Variants in PREX2 observed in about 807,000 individuals in gnomAD.
PREX2 encodes the protein phosphatidylinositol 3,4,5-trisphosphate-dependent Rac exchanger 2 protein.
In PREX2, 107 loss-of-function variants were observed where a neutral mutation model predicts 203.2. The observed-to-expected ratio is 0.53, with a 90% CI of 0.45 to 0.62. The LOEUF (loss-of-function observed/expected upper bound fraction) is 0.62. Ranked by LOEUF, PREX2 falls within the 20% of genes least tolerant of loss-of-function variation. PREX2 has a pLI of 0.00. For synonymous variants in PREX2, 672 were observed against 663.6 expected (o/e 1.01, Z -0.19); for missense variants, 1,777 against 1,955.9 (o/e 0.91, Z 1.72).
chr8:68,099,807 T>C lies in PREX2; in HGVS notation c.2679T>C (p.Ile893=), dbSNP rs1810206443. 1 of 1,612,432 alleles carries C rather than the reference T, an allele frequency of 6.2e-7. No individual in the cohort carries two copies. Among genetic ancestry groups the C allele is most frequent in the Non-Finnish European group, 8.5e-7 (1 of 1,178,636 alleles). The stretch of plus-strand genomic sequence containing the variant: ...TCAGTGCCCTTTGCAGTGAAAGAAT[T>C]GAACACCTATGTCAGAGAATATCCA... ...SKFSALCSER[I]EHLCQRISSY... is the part of the protein sequence containing the mutation. The change falls in exon 23 of 40, where the codon ATT becomes ATC. Residue 893 remains isoleucine (I), a synonymous_variant. Coordinates refer to ENST00000288368, the MANE Select transcript of PREX2 (RefSeq NM_024870.4).
rs1304074132 is a variant in PREX2 at position 67,975,985 on chromosome 8, G to A, written c.141+23450G>A. ...CCTACCTTGGCCTCCCAAAGTGCTG[G>A]GATTACAGGCGTGAGTCACTATGCC... On this transcript the variant is annotated intron_variant, in intron 1 of 39. Coordinates refer to ENST00000288368, the MANE Select transcript of PREX2 (RefSeq NM_024870.4). Among the ~76,000 whole-genome samples the A allele has an allele frequency of 2.6e-5, 4 of 151,486 alleles. No homozygotes were observed. In the East Asian group the frequency reaches 7.8e-4, roughly 30 times the overall value.
At chr8:68,015,783 A>G (rs1455108735) in intron 1 of PREX2, among the ~76,000 whole-genome samples, 1 of 152,220 alleles carries the variant, frequency 6.6e-6, no homozygotes, top group Non-Finnish European at 1.5e-5. Context: ...TAAAGCAAAA[A>G]ATTAAACAGA....
chr8:68,080,536 T>C lies in PREX2; in HGVS notation c.1736T>C (p.Met579Thr), dbSNP rs764881119. 10 of 1,611,184 alleles carry C rather than the reference T, an allele frequency of 6.2e-6. No individual in the cohort carries two copies. The highest frequency in any genetic ancestry group is 3.3e-5 in the South Asian group (3 of 90,834). Residue 579 changes from methionine to threonine, a missense_variant, in exon 16 of 40, where the codon ATG becomes ACG. Transcript: ENST00000288368. ...GGATCAAATATGAAACATCGACTTA[T>C]GAAACATGACTTAAAAGTTGTGGAA... is the stretch of plus-strand genomic sequence containing the variant. ...MEGSNMKHRLMKHDLKVVENV... is the reference protein window; with the variant it reads ...MEGSNMKHRLTKHDLKVVENV...
chr8:67,989,318 A>C (rs1420080582), intron 1 of PREX2, among the ~76,000 whole-genome samples: 1 of 152,104 alleles, frequency 6.6e-6, no homozygotes, highest in African/African-American at 2.4e-5. Context: ...TTTCTACCTA[A>C]ATTTTGCTTA....
intron 37 of PREX2, among the ~76,000 whole-genome samples, chr8:68,207,210 G>A (rs998934764): frequency 6.6e-6 from 1 of 152,152 alleles, no homozygotes; most frequent in African/African-American, 2.4e-5. Flanking sequence ...AGGAGCAATT[G>A]TTAAAATCCA....
chr8:67,986,405 C>T (rs769929427), intron 1 of PREX2, among the ~76,000 whole-genome samples: 2 of 151,962 alleles, frequency 1.3e-5, no homozygotes, highest in African/African-American at 4.8e-5. Context: ...CTGGGCATGC[C>T]GGGAGCGTAG....
intron 11 of PREX2, among the ~76,000 whole-genome samples, chr8:68,061,094 G>A (rs1808836379): frequency 6.6e-6 from 1 of 152,204 alleles, no homozygotes; most frequent in Admixed American, 6.5e-5. Context: ...GACGGGACAT[G>A]ACAAGTGATG....
intron 4 of PREX2, among the ~76,000 whole-genome samples, chr8:68,022,532 T>G (rs1469513968): frequency 6.6e-6 from 1 of 152,148 alleles, no homozygotes; most frequent in East Asian, 1.9e-4. Context: ...AGTGTAAAAT[T>G]TAACATTTCT....
At chr8:68,042,545 AATT>A (rs772838824) in intron 7 of PREX2, among the ~76,000 whole-genome samples, 1 of 152,068 alleles carries the variant, frequency 6.6e-6, no homozygotes, top group Non-Finnish European at 1.5e-5. Flanking sequence ...ATCACAATTT[AATT>A]ATTCATCCTC....
chr8:68,073,679 G>C (rs1040276507), intron 14 of PREX2, among the ~76,000 whole-genome samples: 1 of 152,118 alleles, frequency 6.6e-6, no homozygotes, highest in African/African-American at 2.4e-5. Context: ...TCTAGCATCA[G>C]AGCCTTTCAT....
chr8:68,053,343 G>C, intron 9 of PREX2, 97 bp downstream of exon 9: 1 of 1,273,912 alleles, frequency 7.8e-7, no homozygotes, highest in Middle Eastern at 2.0e-4. Flanking sequence ...AAAGGTATAT[G>C]ATGGTCACTT....
At chr8:68,103,611 C>T (rs765733064) in intron 23 of PREX2, 1 of 519,008 alleles carries the variant, frequency 1.9e-6, no homozygotes, top group Non-Finnish European at 3.8e-6. Flanking sequence ...TCATTACCCT[C>T]AACACACTCC....
intron 23 of PREX2, among the ~76,000 whole-genome samples, chr8:68,103,840 C>G (rs1168372479): frequency 6.6e-6 from 1 of 152,148 alleles, no homozygotes; most frequent in Non-Finnish European, 1.5e-5. Flanking sequence ...TTCTCCCCTT[C>G]CCTTTCCTTG....
At chr8:68,013,766 A>G (rs900700725) in intron 1 of PREX2, among the ~76,000 whole-genome samples, 3 of 152,122 alleles carry the variant, frequency 2.0e-5, no homozygotes, top group African/African-American at 7.2e-5. Flanking sequence ...GCCTTTATAT[A>G]TACAATTTAC....
rs753919180 is a variant in PREX2, at chr8:68,038,165, A to G, written c.712A>G (p.Asn238Asp). Residue 238 changes from asparagine to aspartate, a missense_variant, in exon 7 of 40, where the codon AAC becomes GAC. Asn to Asp is a conservative substitution (Grantham distance 23). Coordinates refer to ENST00000288368, the MANE Select transcript of PREX2 (RefSeq NM_024870.4). ...QSHIEGWEGS[N>D]ITDTCTEMLM... ...TGCATTTCTCCTGACTTAGGGGTCC[A>G]ACATCACTGACACCTGCACTGAAAT... The G allele has an allele frequency of 6.2e-7, 1 of 1,613,592 alleles. No homozygotes were observed. The highest frequency in any genetic ancestry group is 1.1e-5 in the South Asian group (1 of 91,008).
At position 68,102,893 on chromosome 8, in the gene PREX2, G is replaced by C. The variant is rs182789420; in HGVS notation, c.2715+3050G>C. 1,399 of 518,222 alleles carry C rather than the reference G, an allele frequency of 2.7e-3. 13 individuals are homozygous for C. Among genetic ancestry groups the C allele is most frequent in the Middle Eastern group, 0.02 (62 of 3,140 alleles). The allele number at this position is 518,222 out of a possible 1,614,324, so 32.1% of individuals were successfully genotyped here. A position where few individuals can be genotyped will look rare whatever the true frequency, so the allele number is the denominator to read the frequency against. The stretch of plus-strand genomic sequence containing the variant: ...GATGACCTGGATGAATCTTAAGCGA[G>C]ATGTTTTTCTCTGTGGAGCAGGATT... On this transcript the variant is annotated intron_variant, in intron 23 of 39. Transcript: ENST00000288368.
At position 67,974,682 on chromosome 8, in the gene PREX2, C is replaced by T. The variant is rs9886632; in HGVS notation, c.141+22147C>T. ...AAATTCTGAGAATTTATTTGGAACT[C>T]ATTGTACAAAGCTAATATTAAGAAA... On this transcript the variant is annotated intron_variant, in intron 1 of 39. Transcript: ENST00000288368. Among the ~76,000 whole-genome samples, 77 of 152,048 alleles carry T rather than the reference C, an allele frequency of 5.1e-4. 1 individual carries two copies. The East Asian group carries it at 5.4e-3, about 11-fold the overall frequency.
At chr8:68,071,432 G>A (rs1809192495) in intron 13 of PREX2, among the ~76,000 whole-genome samples, 1 of 152,150 alleles carries the variant, frequency 6.6e-6, no homozygotes, top group Non-Finnish European at 1.5e-5. Flanking sequence ...GGGTGATGAG[G>A]TGTCAGAAAC....
intron 6 of PREX2, among the ~76,000 whole-genome samples, chr8:68,032,952 G>C (rs558438244): frequency 2.6e-4 from 40 of 152,268 alleles, no homozygotes; most frequent in African/African-American, 9.4e-4. Flanking sequence ...GCCTCCTTAG[G>C]GAGGACATTG....
Sources: allele counts gnomAD v4.1 joint callset (sites outside exome capture counted in the v4.1 genomes callset), GRCh38; gene constraint gnomAD v4.1.1; transcripts MANE v1.5; gene names NCBI Gene and HGNC (gene_info 2026-07-23, HGNC 2026-07-21).